MAD1L1: variants seen among roughly 807,000 people sequenced by gnomAD.
MAD1L1 encodes the protein mitotic arrest deficient 1 like 1.
MAD1L1 carries 95 observed loss-of-function variants against 96.9 expected under a neutral mutation model. The observed-to-expected ratio is 0.98, with a 90% CI of 0.83 to 1.16. The LOEUF is 1.16. Ranked by LOEUF, MAD1L1 falls within the 50% of genes most tolerant of loss-of-function variation. MAD1L1 has a pLI of 0.00. For synonymous variants in MAD1L1, 473 were observed against 396.6 expected (o/e 1.19, Z -2.29); for missense variants, 1,007 against 954.4 (o/e 1.06, Z -0.73).
chr7:1,988,634 C>T lies in MAD1L1; in HGVS notation c.1417-8093G>A, dbSNP rs976702985. On this transcript the variant is annotated intron_variant, in intron 14 of 18. Transcript: ENST00000265854. Reference sequence around the variant, plus strand: ...TGACGGACTCTCTGGAGGACCCGGCCGCGCTCCAGGGTGGCCCAGGCGCAC... The same window carrying T: ...TGACGGACTCTCTGGAGGACCCGGCTGCGCTCCAGGGTGGCCCAGGCGCAC... 7.2e-5 allele frequency among the ~76,000 whole-genome samples: 11 copies of T among 152,300 alleles called. No individual in the cohort carries two copies. In the South Asian group the frequency reaches 1.7e-3, roughly 23 times the overall value.
At chr7:2,051,633 A>ACCCCCCCCCCCCCC (rs1784176449) in intron 12 of MAD1L1, among the ~76,000 whole-genome samples, 1 of 75,758 alleles carries the variant, frequency 1.3e-5, no homozygotes, top group Non-Finnish European at 2.7e-5. Context: ...GCTGTCCCCC[A>ACCCCCCCCCCCCCC]CCTCCCCCAC....
intron 17 of MAD1L1, among the ~76,000 whole-genome samples, chr7:1,899,051 A>G (rs1787078640): frequency 1.3e-5 from 2 of 152,316 alleles, no homozygotes; most frequent in African/African-American, 4.8e-5. Context: ...CTCTGAGGTC[A>G]GGCCATCGTG....
At chr7:2,009,991 A>G (rs1782218899) in intron 13 of MAD1L1, among the ~76,000 whole-genome samples, 1 of 150,200 alleles carries the variant, frequency 6.7e-6, no homozygotes. Context: ...CACACAGCAG[A>G]GGCTCCCACA....
chr7:2,171,897 G>C (rs973186783), intron 10 of MAD1L1, among the ~76,000 whole-genome samples: 2 of 152,206 alleles, frequency 1.3e-5, no homozygotes, highest in African/African-American at 4.8e-5. Flanking sequence ...ACCCGTAAGA[G>C]ATGCCAGAAA....
At chr7:2,046,206 C>T (rs1305072633) in intron 12 of MAD1L1, among the ~76,000 whole-genome samples, 1 of 152,180 alleles carries the variant, frequency 6.6e-6, no homozygotes, top group Non-Finnish European at 1.5e-5. Context: ...AGAGGGGAGT[C>T]CCATCCCTTT....
intron 18 of MAD1L1, among the ~76,000 whole-genome samples, chr7:1,884,212 G>C (rs1010303556): frequency 6.6e-6 from 1 of 152,242 alleles, no homozygotes; most frequent in African/African-American, 2.4e-5. Context: ...GCACAGCCCT[G>C]CTCGCAGCTG....
rs373212031 is a variant in MAD1L1 at position 2,107,976 on chromosome 7, AC to A, written c.1074-38639del. On this transcript the variant is annotated intron_variant, in intron 11 of 18. Coordinates refer to ENST00000265854, the MANE Select transcript of MAD1L1 (RefSeq NM_001013836.2). Reference sequence around the variant, plus strand: ...CAGGCAGGGGACAGGAGACACCGGCACCCCCCCACCCCCCACCAACAGGATG... The same window carrying A: ...CAGGCAGGGGACAGGAGACACCGGCACCCCCCACCCCCCACCAACAGGATG... 2.1e-3 allele frequency among the ~76,000 whole-genome samples: 321 copies of A among 150,550 alleles called. 2 individuals carry two copies. Among genetic ancestry groups the A allele is most frequent in the African/African-American group, 6.9e-3 (285 of 41,122 alleles).
At chr7:1,822,356 T>C (rs1325758560) in intron 18 of MAD1L1, among the ~76,000 whole-genome samples, 1 of 151,618 alleles carries the variant, frequency 6.6e-6, no homozygotes. Context: ...GTTTATGAAC[T>C]GGAAGACTTA....
intron 17 of MAD1L1, among the ~76,000 whole-genome samples, chr7:1,903,153 C>A (rs12671744): frequency 0.078 from 6,438 of 82,666 alleles, 343 homozygotes; most frequent in African/African-American, 0.2. Flanking sequence ...ATGATTGATC[C>A]AGCACTGTTC....
intron 11 of MAD1L1, among the ~76,000 whole-genome samples, chr7:2,097,096 G>A (rs1786532197): frequency 6.6e-6 from 1 of 152,120 alleles, no homozygotes; most frequent in Non-Finnish European, 1.5e-5. Context: ...AAGGGGAAGG[G>A]GGCAGCCTCC....
chr7:1,914,597 G>A (rs1583767204), intron 17 of MAD1L1, among the ~76,000 whole-genome samples: 1 of 152,304 alleles, frequency 6.6e-6, no homozygotes, highest in South Asian at 2.1e-4. Flanking sequence ...CAGAACCCGA[G>A]ATCACATCGT....
At chr7:1,935,003 C>T in intron 17 of MAD1L1, among the ~76,000 whole-genome samples, 1 of 151,996 alleles carries the variant, frequency 6.6e-6, no homozygotes, top group Non-Finnish European at 1.5e-5. Context: ...GGCAGAGACC[C>T]AGACAACAAG....
At position 1,907,697 on chromosome 7, in the gene MAD1L1, C is replaced by A. The variant is rs540491555; in HGVS notation, c.1808-9307G>T. Among the ~76,000 whole-genome samples the A allele has an allele frequency of 2.6e-5, 4 of 152,372 alleles. No homozygotes were observed. The East Asian group carries it at 7.7e-4, about 29-fold the overall frequency. The stretch of plus-strand genomic sequence containing the variant: ...GAGTGGGGGAAACATCACCTGCCCC[C>A]GGGTCAGTGAGACAGTGGAGGCGAA... On this transcript the variant is annotated intron_variant, in intron 17 of 18. Coordinates refer to ENST00000265854, the MANE Select transcript of MAD1L1 (RefSeq NM_001013836.2).
intron 16 of MAD1L1, among the ~76,000 whole-genome samples, chr7:1,947,339 G>T (rs1779276722): frequency 6.6e-6 from 1 of 152,264 alleles, no homozygotes; most frequent in Non-Finnish European, 1.5e-5. Flanking sequence ...GCCGAGAGCA[G>T]AGAAAGCGCT....
intron 18 of MAD1L1, among the ~76,000 whole-genome samples, chr7:1,862,164 C>T (rs900707759): frequency 2.0e-4 from 31 of 152,206 alleles, no homozygotes; most frequent in African/African-American, 1.7e-4. Flanking sequence ...AGCGGCACCC[C>T]GCAGCCTCGG....
At position 2,149,917 on chromosome 7, in the gene MAD1L1, G is replaced by A. The variant is rs528394705; in HGVS notation, c.987-679C>T. ...GCATGCAAAGTTACGCCAGTGGTGT[G>A]TGAGCATTCCCAGCCTCACAACCTG... On this transcript the variant is annotated intron_variant, in intron 10 of 18. Transcript: ENST00000265854. Among the ~76,000 whole-genome samples, 74 of 152,360 alleles carry A rather than the reference G, an allele frequency of 4.9e-4. 1 individual carries two copies. The highest frequency in any genetic ancestry group is 9.3e-4 in the Non-Finnish European group (63 of 68,028).
intron 15 of MAD1L1, among the ~76,000 whole-genome samples, chr7:1,969,171 G>A (rs1780301926): frequency 6.6e-6 from 1 of 152,142 alleles, no homozygotes; most frequent in Admixed American, 6.5e-5. Context: ...ATCACCTGAG[G>A]TCAGCAGTTT....
At chr7:1,839,067 T>C (rs941335498) in intron 18 of MAD1L1, among the ~76,000 whole-genome samples, 54 of 152,172 alleles carry the variant, frequency 3.5e-4, no homozygotes, top group Non-Finnish European at 3.1e-4. Flanking sequence ...CACTCGCAGA[T>C]GGCCAGCTGC....
intron 11 of MAD1L1, among the ~76,000 whole-genome samples, chr7:2,070,373 T>C (rs2128530081): frequency 6.6e-6 from 1 of 152,056 alleles, no homozygotes. Context: ...GAGTCAGGAC[T>C]CCACCTCCCA....
Sources: allele counts gnomAD v4.1 joint callset (sites outside exome capture counted in the v4.1 genomes callset), GRCh38; gene constraint gnomAD v4.1.1; transcripts MANE v1.5; gene names NCBI Gene and HGNC (gene_info 2026-07-23, HGNC 2026-07-21).